The following SGK1 variants were observed in gnomAD, a reference collection of about 807,000 sequenced individuals.
SGK1 encodes serine/threonine-protein kinase Sgk1.
Under a neutral mutation model 64.2 loss-of-function variants are expected in SGK1, and 26 were observed. The observed-to-expected ratio is 0.40, with a 90% CI of 0.30 to 0.56. The LOEUF (loss-of-function observed/expected upper bound fraction) is 0.56, where lower values mean the gene tolerates loss of function less well. Ranked by LOEUF, SGK1 falls within the 20% of genes least tolerant of loss-of-function variation. The pLI, the probability that SGK1 is intolerant of heterozygous loss-of-function variation, is 0.38. For synonymous variants in SGK1, 265 were observed against 239.7 expected (o/e 1.11, Z -0.98); for missense variants, 519 against 645.6 (o/e 0.80, Z 2.12).
At chr6:134,297,091 T>C in intron 1 of SGK1, 1 of 497,158 alleles carries the variant, frequency 2.0e-6, no homozygotes, top group Non-Finnish European at 3.8e-6. Context: ...CTGATGTGGC[T>C]GAAGGAGCTA....
chr6:134,256,649 A>C (rs1004055091), intron 2 of SGK1, among the ~76,000 whole-genome samples: 1 of 152,194 alleles, frequency 6.6e-6, no homozygotes, highest in South Asian at 2.1e-4. Context: ...GTGGCCTATA[A>C]GTTAGTTTCA....
At chr6:134,299,202 C>CAA (rs35424584) in intron 1 of SGK1, among the ~76,000 whole-genome samples, 20 of 110,028 alleles carry the variant, frequency 1.8e-4, no homozygotes, top group Non-Finnish European at 3.1e-4. Context: ...AAAAAAATTA[C>CAA]AAAAAAAAAA....
chr6:134,310,417 C>T (rs1207234532), intron 1 of SGK1, among the ~76,000 whole-genome samples: 1 of 152,184 alleles, frequency 6.6e-6, no homozygotes, highest in African/African-American at 2.4e-5. Context: ...CTGCTGAACT[C>T]CCTCATCCAA....
At chr6:134,175,281 C>T (rs1775194480) in intron 3 of SGK1, among the ~76,000 whole-genome samples, 1 of 152,068 alleles carries the variant, frequency 6.6e-6, no homozygotes, top group South Asian at 2.1e-4. Context: ...CGCTCACTGT[C>T]CCTGCAGATA....
chr6:134,246,557 C>T (rs1159685990), intron 2 of SGK1, among the ~76,000 whole-genome samples: 1 of 152,054 alleles, frequency 6.6e-6, no homozygotes, highest in Non-Finnish European at 1.5e-5. Flanking sequence ...CTCACTTGAA[C>T]CTCTCAGCAA....
intron 3 of SGK1, among the ~76,000 whole-genome samples, chr6:134,189,428 C>T (rs745433945): frequency 2.4e-4 from 36 of 151,290 alleles, no homozygotes; most frequent in Non-Finnish European, 4.2e-4. Flanking sequence ...GGGGATCATA[C>T]ATAATGTCTG....
intron 8 of SGK1, 96 bp from the exon 9 acceptor site, chr6:134,172,870 G>C (rs1562237578): frequency 8.2e-7 from 1 of 1,214,934 alleles, no homozygotes; most frequent in Non-Finnish European, 1.2e-6. Flanking sequence ...GTGGCCCCAA[G>C]TAATCTATTA....
intron 2 of SGK1, among the ~76,000 whole-genome samples, chr6:134,219,503 G>C (rs935854046): frequency 2.0e-5 from 3 of 152,120 alleles, no homozygotes; most frequent in Non-Finnish European, 4.4e-5. Flanking sequence ...TCTCACGCCT[G>C]TAATCCCAGA....
At chr6:134,201,634 T>C (rs539315315) in intron 3 of SGK1, among the ~76,000 whole-genome samples, 1 of 152,318 alleles carries the variant, frequency 6.6e-6, no homozygotes, top group Non-Finnish European at 1.5e-5. Flanking sequence ...AGTGCTGGGA[T>C]TACAGGTGTG....
intron 1 of SGK1, among the ~76,000 whole-genome samples, chr6:134,274,179 A>G (rs1177864314): frequency 1.3e-5 from 2 of 151,674 alleles, no homozygotes; most frequent in African/African-American, 4.8e-5. Flanking sequence ...AATTTTTTGT[A>G]TTTTTAGTAG....
At chr6:134,211,877 GA>G (rs573091377) in intron 2 of SGK1, among the ~76,000 whole-genome samples, 2,734 of 81,608 alleles carry the variant, frequency 0.034, 70 homozygotes, top group African/African-American at 0.081. Flanking sequence ...CGTCTACAAG[GA>G]AAAAAAAAAA....
Position 134,181,489 on chromosome 6 carries a change from C to T in SGK1, c.362-6903G>A, listed in dbSNP as rs551149877. ...CCTCCTGAGTAGCTGGGATTACAGG[C>T]ACGTGCCACTACTCCCAGTTAATTT... On this transcript the variant is annotated intron_variant, in intron 3 of 13. Coordinates refer to ENST00000367858, the MANE Select transcript of SGK1 (RefSeq NM_001143676.3). Among the ~76,000 whole-genome samples the T allele has an allele frequency of 7.9e-5, 12 of 152,258 alleles. No individual in the cohort carries two copies. In the South Asian group the frequency reaches 2.5e-3, roughly 32 times the overall value.
chr6:134,268,047 G>A (rs1454483910), intron 1 of SGK1, among the ~76,000 whole-genome samples: 1 of 152,194 alleles, frequency 6.6e-6, no homozygotes, highest in Non-Finnish European at 1.5e-5. Flanking sequence ...TTGCTCTTGA[G>A]AGAGTGGCTG....
intron 5 of SGK1, 50 bp downstream of exon 5, chr6:134,173,955 C>A: frequency 2.4e-6 from 3 of 1,272,684 alleles, no homozygotes; most frequent in East Asian, 2.3e-5. Flanking sequence ...GGAATACTAA[C>A]TGACTCCCTT....
At chr6:134,201,452 C>T (rs937164008) in intron 3 of SGK1, among the ~76,000 whole-genome samples, 3 of 151,992 alleles carry the variant, frequency 2.0e-5, no homozygotes, top group Non-Finnish European at 4.4e-5. Context: ...ACCTCTGCCT[C>T]CTGGGTTCAA....
chr6:134,260,218 G>T (rs1333465155), intron 2 of SGK1: 1 of 151,648 alleles, frequency 6.6e-6, no homozygotes, highest in Admixed American at 6.6e-5. Context: ...GTTTGTTGGC[G>T]TATGCCTGTG....
At chr6:134,248,864 C>T (rs1470360515) in intron 2 of SGK1, among the ~76,000 whole-genome samples, 1 of 152,134 alleles carries the variant, frequency 6.6e-6, no homozygotes, top group Non-Finnish European at 1.5e-5. Context: ...CTTCCTCTCC[C>T]TTTCTTTTTA....
At chr6:134,233,126 GGAGTA>G (rs1248867548) in intron 2 of SGK1, among the ~76,000 whole-genome samples, 2 of 152,024 alleles carry the variant, frequency 1.3e-5, no homozygotes, top group East Asian at 3.9e-4. Flanking sequence ...TTTAGGAAAT[GGAGTA>G]GAGAGATGAG....
intron 2 of SGK1, 70 bp from the exon 3 acceptor site, chr6:134,207,501 G>A: frequency 2.8e-6 from 3 of 1,069,232 alleles, no homozygotes; most frequent in Non-Finnish European, 4.3e-6. Flanking sequence ...TAGGCTTATA[G>A]TTCTAGAGAA....
Sources: allele counts gnomAD v4.1 joint callset (sites outside exome capture counted in the v4.1 genomes callset), GRCh38; gene constraint gnomAD v4.1.1; transcripts MANE v1.5; gene names NCBI Gene and HGNC (gene_info 2026-07-23, HGNC 2026-07-21).